The following ANKRD36C variants were observed in gnomAD, a reference collection of about 807,000 sequenced individuals.
ANKRD36C encodes the protein ankyrin repeat domain-containing protein 36C.
Under a neutral mutation model 276.4 loss-of-function variants are expected in ANKRD36C, and 61 were observed. The observed-to-expected ratio is 0.22, with a 90% CI of 0.18 to 0.27. ANKRD36C has a LOEUF of 0.27. Among genes scored for constraint, ANKRD36C ranks in the 10% least tolerant of loss-of-function variants. ANKRD36C has a pLI of 1.00. For synonymous variants in ANKRD36C, 483 were observed against 680.1 expected (o/e 0.71, Z 4.51); for missense variants, 1,447 against 2,032.3 (o/e 0.71, Z 5.54).
Position 95,916,154 on chromosome 2 carries a change from G to T in ANKRD36C, c.2365C>A (p.Pro789Thr), listed in dbSNP as rs758910862. Residue 789 changes from proline (P) to threonine (T), a missense_variant, in exon 37 of 67, where the codon CCA becomes ACA. By Grantham distance (38) the Pro-to-Thr change is conservative. This residue lies in a region of ANKRD36C where 565 missense variants were observed against 539.5 expected (regional missense o/e 1.05). Transcript: ENST00000456556. Reference sequence around the variant, plus strand: ...GAGAGTTTCATTACCTTCAAGGCTGGTTTTTTCCGAGAAGACACTGAAAAG... The same window carrying T: ...GAGAGTTTCATTACCTTCAAGGCTGTTTTTTTCCGAGAAGACACTGAAAAG... 9 of 1,605,054 alleles carry T rather than the reference G, an allele frequency of 5.6e-6. No individual in the cohort carries two copies. The East Asian group carries it at 6.7e-5, about 12-fold the overall frequency.
intron 3 of ANKRD36C, among the ~76,000 whole-genome samples, chr2:95,984,299 A>G (rs913872053): frequency 6.6e-6 from 1 of 152,048 alleles, no homozygotes; most frequent in East Asian, 1.9e-4. Context: ...TGGAGACCAC[A>G]TGCCTCATAG....
At chr2:95,879,499 C>T (rs1255076852) in intron 58 of ANKRD36C, among the ~76,000 whole-genome samples, 3 of 150,908 alleles carry the variant, frequency 2.0e-5, no homozygotes, top group Non-Finnish European at 4.4e-5. Context: ...GATGGATAAC[C>T]CATTAACCAT....
intron 19 of ANKRD36C, among the ~76,000 whole-genome samples, 173 bp from the exon 20 acceptor site, chr2:95,941,372 TAAA>T: frequency 6.6e-6 from 1 of 152,164 alleles, no homozygotes; most frequent in African/African-American, 2.4e-5. Flanking sequence ...AAAAGAAACA[TAAA>T]AACAAACAAA....
At chr2:95,891,371 A>AG (rs1224500163) in intron 46 of ANKRD36C, among the ~76,000 whole-genome samples, 1 of 151,360 alleles carries the variant, frequency 6.6e-6, no homozygotes, top group Non-Finnish European at 1.5e-5. Context: ...TACTGAAAAC[A>AG]AGCTGGAGAA....
chr2:95,936,324 G>A (rs374285363), intron 22 of ANKRD36C, among the ~76,000 whole-genome samples: 3,068 of 115,046 alleles, frequency 0.027, no homozygotes, highest in African/African-American at 0.1. Context: ...TTGTGCACAT[G>A]TACCCTAAAA....
chr2:95,925,062 C>G (rs545009845), intron 30 of ANKRD36C, among the ~76,000 whole-genome samples: 1 of 151,566 alleles, frequency 6.6e-6, no homozygotes, highest in Non-Finnish European at 1.5e-5. Context: ...GAAACATGCT[C>G]TGAAATAAGA....
chr2:95,854,331 T>C (rs1018174368), intron 63 of ANKRD36C, among the ~76,000 whole-genome samples: 1 of 150,978 alleles, frequency 6.6e-6, no homozygotes, highest in Admixed American at 6.6e-5. Flanking sequence ...CCTTAGATGC[T>C]CTAAGTAACC....
intron 60 of ANKRD36C, 98 bp downstream of exon 80, chr2:95,867,342 T>C: frequency 6.7e-6 from 4 of 599,258 alleles, no homozygotes; most frequent in Non-Finnish European, 1.2e-5. Flanking sequence ...ATGAACATTC[T>C]TGTAACATAT....
At position 95,893,832 on chromosome 2, in the gene ANKRD36C, T is replaced by C. The variant is rs191595028; in HGVS notation, c.2756-1972A>G. 6.2e-4 allele frequency: 965 copies of C among 1,563,986 alleles called. 4 individuals are homozygous for C. Among genetic ancestry groups the C allele is most frequent in the African/African-American group, 4.3e-3 (317 of 73,532 alleles). The stretch of plus-strand genomic sequence containing the variant: ...CTCTGTCCTCCTGCCTGTATTAGCG[T>C]AGGCTTTAATGGCTTCTACTTTGTG... On this transcript the variant is annotated intron_variant, in intron 44 of 66. Transcript: ENST00000456556.
At chr2:95,910,674 C>T (rs1309914803) in intron 42 of ANKRD36C, 106 bp from the exon 45 acceptor site, 43 of 1,567,152 alleles carry the variant, frequency 2.7e-5, no homozygotes, top group South Asian at 1.3e-4. Flanking sequence ...CCTGTATTAG[C>T]GCAGGCTTTG....
At chr2:95,865,105 A>G (rs960151913) in intron 60 of ANKRD36C, among the ~76,000 whole-genome samples, 3 of 152,058 alleles carry the variant, frequency 2.0e-5, no homozygotes, top group East Asian at 1.9e-4. Context: ...TAAGTAAACT[A>G]TCATTTACAA....
chr2:95,852,340 C>T (rs143383024), intron 64 of ANKRD36C, 144 bp from the exon 85 acceptor site: 27,732 of 680,774 alleles, frequency 0.041, 747 homozygotes, highest in Non-Finnish European at 0.051. Context: ...TAGGAGAAGT[C>T]ATCCCATTAC....
intron 16 of ANKRD36C, among the ~76,000 whole-genome samples, chr2:95,949,109 T>A (rs575069146): frequency 6.6e-6 from 1 of 152,254 alleles, no homozygotes; most frequent in Admixed American, 6.5e-5. Context: ...TGTAAGCTAC[T>A]TAAAGAGGGC....
chr2:95,980,418 G>A (rs962488616), intron 5 of ANKRD36C, among the ~76,000 whole-genome samples: 2 of 152,096 alleles, frequency 1.3e-5, no homozygotes, highest in African/African-American at 4.8e-5. Context: ...GAAAAGTCCT[G>A]AAAGTTTCAA....
At chr2:95,907,658 T>C (rs1011599967) in intron 42 of ANKRD36C, among the ~76,000 whole-genome samples, 2 of 142,780 alleles carry the variant, frequency 1.4e-5, no homozygotes, top group African/African-American at 5.2e-5. Context: ...TCAACATCAT[T>C]CTTGTGTCTA....
chr2:95,912,334 C>G lies in ANKRD36C; in HGVS notation c.2581-18G>C. The G allele has an allele frequency of 6.3e-7, 1 of 1,594,766 alleles. No individual in the cohort carries two copies. The highest frequency in any genetic ancestry group is 1.1e-5 in the South Asian group (1 of 89,648). On this transcript the variant is annotated intron_variant, in intron 41 of 66. Transcript: ENST00000456556. The stretch of plus-strand genomic sequence containing the variant: ...CTTGTAGCCTGAATGGAATTTGAAA[C>G]AAAATAATAAATAAGGTATGTTTCA...
intron 52 of ANKRD36C, 130 bp from the exon 73 acceptor site, chr2:95,884,498 T>G (rs1263167445): frequency 4.5e-5 from 66 of 1,478,194 alleles, no homozygotes; most frequent in Non-Finnish European, 6.1e-5. Context: ...TTTCCTACTT[T>G]GTGTCTGGGG....
intron 33 of ANKRD36C, 44 bp from the exon 34 acceptor site, chr2:95,921,723 A>G: frequency 1.3e-6 from 2 of 1,588,114 alleles, no homozygotes; most frequent in South Asian, 2.3e-5. Context: ...TAAATAAATG[A>G]AGCATGTTTC....
rs1395862175 is a variant in ANKRD36C at position 95,968,573 on chromosome 2, G to A, written c.800-6026C>T. On this transcript the variant is annotated intron_variant, in intron 6 of 66. Coordinates refer to ENST00000456556, the Ensembl canonical transcript of ANKRD36C. Reference sequence around the variant, plus strand: ...CATGATGTTCCTCTTCTCTCACACCGCAACAACAATCATCAACACAGAAGA... The same window carrying A: ...CATGATGTTCCTCTTCTCTCACACCACAACAACAATCATCAACACAGAAGA... Among the ~76,000 whole-genome samples, 4 of 152,088 alleles carry A rather than the reference G, an allele frequency of 2.6e-5. No homozygotes were observed. In the East Asian group the frequency reaches 5.8e-4, roughly 22 times the overall value.
Sources: allele counts gnomAD v4.1 joint callset (sites outside exome capture counted in the v4.1 genomes callset), GRCh38; gene constraint gnomAD v4.1.1; regional missense constraint gnomAD v4.1.1; transcripts MANE v1.5; gene names NCBI Gene and HGNC (gene_info 2026-07-23, HGNC 2026-07-21).